Variants in HSD17B12 observed in about 807,000 individuals in gnomAD.
HSD17B12 encodes very-long-chain 3-oxoacyl-CoA reductase.
A neutral mutation model predicts 39.3 loss-of-function variants in HSD17B12; 32 were observed. That is an observed-to-expected ratio of 0.81 (90% CI 0.61 to 1.09). HSD17B12 has a LOEUF of 1.09. HSD17B12 is among the 50% of genes least tolerant of loss of function. The probability of loss-of-function intolerance (pLI) is 0.00; values close to 1 mark genes in which losing one functional copy is unlikely to be tolerated. For missense variants in HSD17B12, 342 were observed against 382.9 expected (o/e 0.89, Z 0.89); for synonymous variants, 150 against 146.7 (o/e 1.02, Z -0.16).
At chr11:43,662,200 T>C in the HSD17B12 span, among the ~76,000 whole-genome samples, 2 of 3,668 alleles carry the variant, frequency 5.5e-4, no homozygotes, top group African/African-American at 5.5e-4. Flanking sequence ...CCCACGTCTC[T>C]TTTTTTTTTT....
chr11:43,629,894 G>T, the HSD17B12 span, among the ~76,000 whole-genome samples: 1 of 152,132 alleles, frequency 6.6e-6, no homozygotes, highest in Non-Finnish European at 1.5e-5. Context: ...CAAACAACAT[G>T]TGTTTGTTTC....
At chr11:43,790,829 T>TA (rs546364210) in intron 3 of HSD17B12, among the ~76,000 whole-genome samples, 172 of 151,616 alleles carry the variant, frequency 1.1e-3, no homozygotes, top group African/African-American at 3.9e-3. Context: ...CCATCTCTAA[T>TA]AAAAAAATAC....
chr11:43,700,649 TG>T (rs1465401617), intron 1 of HSD17B12, among the ~76,000 whole-genome samples: 1 of 152,220 alleles, frequency 6.6e-6, no homozygotes, highest in African/African-American at 2.4e-5. Flanking sequence ...TCCATGTTGT[TG>T]TAAATGACTG....
At position 43,841,745 on chromosome 11, in the gene HSD17B12, C is replaced by CT. The variant is rs1438748116; in HGVS notation, c.684+1682dup. Reference sequence around the variant, plus strand: ...AGAAGTTGCAATTTGTACCTCTTTGCTGCTCCTGCCTATCAGCTACCCCAC... The same window carrying CT: ...AGAAGTTGCAATTTGTACCTCTTTGCTTGCTCCTGCCTATCAGCTACCCCAC... On this transcript the variant is annotated intron_variant, in intron 9 of 10. Transcript: ENST00000278353. Among the ~76,000 whole-genome samples the CT allele has an allele frequency of 2.6e-5, 4 of 152,172 alleles. No individual in the cohort carries two copies. The East Asian group carries it at 7.7e-4, about 29-fold the overall frequency.
At chr11:43,569,962 A>C in the HSD17B12 span, 1 of 152,610 alleles carries the variant, frequency 6.6e-6, no homozygotes, top group African/African-American at 2.4e-5. Context: ...CCTTCTCTAA[A>C]GTGCCCTCTA....
intron 3 of HSD17B12, among the ~76,000 whole-genome samples, chr11:43,790,454 C>A (rs867598192): frequency 6.6e-6 from 1 of 152,170 alleles, no homozygotes; most frequent in African/African-American, 2.4e-5. Flanking sequence ...AGGAGTCCCC[C>A]CCGTGTCTGC....
At chr11:43,569,590 C>T in the HSD17B12 span, 1 of 152,202 alleles carries the variant, frequency 6.6e-6, no homozygotes, top group African/African-American at 2.4e-5. Context: ...CTGATCATCC[C>T]CTTGCCCAGC....
rs193205496 is a variant in HSD17B12, at chr11:43,855,862, C to A, written c.*614C>A. The A allele has an allele frequency of 3.4e-5, 5 of 145,666 alleles. No individual in the cohort carries two copies. The highest frequency in any genetic ancestry group is 1.0e-4 in the African/African-American group (4 of 38,886). The allele number at this position is 145,666 out of a possible 1,614,324, so 9.0% of individuals were successfully genotyped here. A position where few individuals can be genotyped will look rare whatever the true frequency, so the allele number is the denominator to read the frequency against. Reference sequence around the variant, plus strand: ...TTTCTGACACATGAAGCCCACTAAACTATGCTTTCTTATAATGCATATTTC... The same window carrying A: ...TTTCTGACACATGAAGCCCACTAAAATATGCTTTCTTATAATGCATATTTC... On this transcript the variant is annotated 3_prime_UTR_variant, in exon 11 of 11. Coordinates refer to ENST00000278353, the MANE Select transcript of HSD17B12 (RefSeq NM_016142.3).
chr11:43,822,553 A>G (rs1951193148), intron 6 of HSD17B12, among the ~76,000 whole-genome samples: 1 of 152,166 alleles, frequency 6.6e-6, no homozygotes, highest in South Asian at 2.1e-4. Flanking sequence ...TCATTGTTCA[A>G]TTCCCACCTG....
At chr11:43,614,576 T>G in the HSD17B12 span, among the ~76,000 whole-genome samples, 1 of 152,146 alleles carries the variant, frequency 6.6e-6, no homozygotes, top group African/African-American at 2.4e-5. Flanking sequence ...TGGGTTGATC[T>G]TTTTCATAAA....
intron 7 of HSD17B12, among the ~76,000 whole-genome samples, chr11:43,836,268 G>A (rs1004748983): frequency 6.6e-6 from 1 of 152,120 alleles, no homozygotes; most frequent in Non-Finnish European, 1.5e-5. Flanking sequence ...CTGTGAATGA[G>A]TTTGGACATA....
At chr11:43,718,325 C>T (rs1265071316) in intron 1 of HSD17B12, among the ~76,000 whole-genome samples, 3 of 152,320 alleles carry the variant, frequency 2.0e-5, no homozygotes, top group South Asian at 2.1e-4. Flanking sequence ...TATACTTACT[C>T]CTCTCTTAGA....
the HSD17B12 span, among the ~76,000 whole-genome samples, chr11:43,650,771 C>T: frequency 1.3e-5 from 2 of 152,348 alleles, no homozygotes; most frequent in East Asian, 3.9e-4. Context: ...CACTTATTCA[C>T]AGTCTCGATT....
intron 9 of HSD17B12, among the ~76,000 whole-genome samples, chr11:43,843,698 GC>G (rs1019155684): frequency 2.0e-5 from 3 of 152,094 alleles, no homozygotes; most frequent in African/African-American, 7.2e-5. Flanking sequence ...CCCTATGGCT[GC>G]TGTCCCTCTC....
intron 4 of HSD17B12, among the ~76,000 whole-genome samples, chr11:43,810,367 T>TTATATATATA (rs59970877): frequency 0.017 from 987 of 59,034 alleles, 9 homozygotes; most frequent in Admixed American, 0.022. Context: ...AATTTAGAAA[T>TTATATATATA]TATATATATA....
chr11:43,686,907 C>T (rs1480925347), intron 1 of HSD17B12, among the ~76,000 whole-genome samples: 1 of 152,144 alleles, frequency 6.6e-6, no homozygotes, highest in Non-Finnish European at 1.5e-5. Context: ...TGTCAGATAA[C>T]TGAGATTACC....
intron 4 of HSD17B12, among the ~76,000 whole-genome samples, chr11:43,804,982 C>T (rs1951005051): frequency 6.6e-6 from 1 of 152,038 alleles, no homozygotes; most frequent in African/African-American, 2.4e-5. Context: ...CCCAGAGAAG[C>T]AAAGGAAGAG....
intron 1 of HSD17B12, among the ~76,000 whole-genome samples, chr11:43,718,428 T>G (rs1175507670): frequency 6.6e-6 from 1 of 152,166 alleles, no homozygotes; most frequent in Non-Finnish European, 1.5e-5. Context: ...GCACAGCTGC[T>G]CCAGTACAGC....
chr11:43,835,699 A>C (rs977687163), intron 7 of HSD17B12, among the ~76,000 whole-genome samples: 2 of 152,072 alleles, frequency 1.3e-5, no homozygotes, highest in Non-Finnish European at 2.9e-5. Flanking sequence ...ATTTGTTTTC[A>C]TGTGTTTTAG....
Sources: gnomAD v4.1 joint callset for allele counts (sites outside exome capture counted in the v4.1 genomes callset) on GRCh38, gnomAD v4.1.1 for gene constraint, MANE v1.5 for transcripts, NCBI Gene and HGNC (gene_info 2026-07-23, HGNC 2026-07-21) for gene names.